Variants in FAM114A2 observed in about 807,000 individuals in gnomAD.
FAM114A2 encodes protein FAM114A2.
A neutral mutation model predicts 58.4 loss-of-function variants in FAM114A2; 53 were observed. The ratio of observed to expected loss-of-function variants is 0.91; its 90% CI spans 0.73 to 1.14. The LOEUF (loss-of-function observed/expected upper bound fraction) is 1.14, where lower values mean the gene tolerates loss of function less well. FAM114A2 is among the 50% of genes most tolerant of loss of function. The pLI, the probability that FAM114A2 is intolerant of heterozygous loss-of-function variation, is 0.00. For synonymous variants in FAM114A2, 228 were observed against 211.4 expected (o/e 1.08, Z -0.68); for missense variants, 601 against 581.1 (o/e 1.03, Z -0.35).
At chr5:154,016,680 A>G (rs1771059559) in intron 8 of FAM114A2, among the ~76,000 whole-genome samples, 1 of 152,200 alleles carries the variant, frequency 6.6e-6, no homozygotes, top group South Asian at 2.1e-4. Context: ...GAACTTACTT[A>G]AAGCATAAAT....
At chr5:154,026,298 T>C in intron 8 of FAM114A2, 101 bp downstream of exon 8, 1 of 937,222 alleles carries the variant, frequency 1.1e-6, no homozygotes, top group Non-Finnish European at 1.5e-6. Flanking sequence ...AAAAGTAAAA[T>C]CAAGCCAGTG....
At chr5:154,007,314 G>C (rs1372270868) in intron 9 of FAM114A2, among the ~76,000 whole-genome samples, 2 of 152,082 alleles carry the variant, frequency 1.3e-5, no homozygotes, top group South Asian at 2.1e-4. Context: ...TTCTCCAAAA[G>C]CTTATTTATT....
rs1769672264 is a variant in FAM114A2 at position 153,997,726 on chromosome 5, G to A, written c.1329+77C>T. The A allele has an allele frequency of 7.5e-5, 68 of 909,462 alleles. 1 individual carries two copies. The South Asian group carries it at 9.6e-4, about 13-fold the overall frequency. 56.3% of individuals were successfully genotyped at this position (909,462 alleles called of 1,614,324 possible). A position where few individuals can be genotyped will look rare whatever the true frequency, so the allele number is the denominator to read the frequency against. ...AAAACTATTGAATTGTACACTTAAA[G>A]TGAGCAAATTTTATGATATTTAAAC... On this transcript the variant is annotated intron_variant, in intron 12 of 13. Coordinates refer to ENST00000351797, the MANE Select transcript of FAM114A2 (RefSeq NM_018691.4).
intron 8 of FAM114A2, among the ~76,000 whole-genome samples, chr5:154,014,117 T>C (rs1176265625): frequency 6.6e-6 from 1 of 152,214 alleles, no homozygotes; most frequent in Non-Finnish European, 1.5e-5. Flanking sequence ...TCAAGGCAGC[T>C]TTAGAAACTT....
intron 1 of FAM114A2, among the ~76,000 whole-genome samples, chr5:154,035,919 T>C (rs763074464): frequency 3.3e-5 from 5 of 152,204 alleles, no homozygotes; most frequent in South Asian, 2.1e-4. Context: ...TGGATTTAAG[T>C]TGTACTTCTC....
chr5:153,996,711 T>C (rs548276119), intron 12 of FAM114A2, among the ~76,000 whole-genome samples: 9 of 151,776 alleles, frequency 5.9e-5, no homozygotes, highest in South Asian at 2.1e-4. Flanking sequence ...ATGTTCAACA[T>C]TGGCGCTGGG....
intron 9 of FAM114A2, among the ~76,000 whole-genome samples, 181 bp downstream of exon 9, chr5:154,011,060 G>T (rs1488500327): frequency 6.6e-6 from 1 of 152,162 alleles, no homozygotes; most frequent in African/African-American, 2.4e-5. Flanking sequence ...GGCAGATGTG[G>T]CTTCAACACA....
At chr5:154,023,135 G>A (rs190508439) in intron 8 of FAM114A2, among the ~76,000 whole-genome samples, 15 of 152,148 alleles carry the variant, frequency 9.9e-5, no homozygotes, top group African/African-American at 3.4e-4. Flanking sequence ...TGGGCCTGTC[G>A]TGGGGTCAGG....
chr5:153,993,825 C>G (rs1290886372), intron 13 of FAM114A2, among the ~76,000 whole-genome samples: 1 of 152,084 alleles, frequency 6.6e-6, no homozygotes, highest in Non-Finnish European at 1.5e-5. Context: ...GAGCCCATAT[C>G]AAGTGATATT....
intron 10 of FAM114A2, 122 bp from the exon 11 acceptor site, chr5:154,002,512 GTCT>G (rs35082504): frequency 0.62 from 578,323 of 933,730 alleles, 186,606 homozygotes; most frequent in East Asian, 0.87. Context: ...AATAAAGAGT[GTCT>G]TCTTCTTCCA....
chr5:154,018,525 G>A (rs984212056), intron 8 of FAM114A2, among the ~76,000 whole-genome samples: 5 of 151,890 alleles, frequency 3.3e-5, no homozygotes, highest in African/African-American at 1.2e-4. Context: ...TATTTCACAA[G>A]ATAAAGAGGG....
At chr5:154,013,281 A>T (rs1217917935) in intron 8 of FAM114A2, among the ~76,000 whole-genome samples, 1 of 152,198 alleles carries the variant, frequency 6.6e-6, no homozygotes, top group Non-Finnish European at 1.5e-5. Context: ...TTCTGAAAAA[A>T]GGAGTCAGGT....
At chr5:153,996,241 C>T (rs1769545579) in intron 12 of FAM114A2, among the ~76,000 whole-genome samples, 3 of 152,056 alleles carry the variant, frequency 2.0e-5, no homozygotes, top group African/African-American at 7.2e-5. Flanking sequence ...GAAACAAACC[C>T]ATATATCTAT....
intron 4 of FAM114A2, among the ~76,000 whole-genome samples, chr5:154,030,461 T>C (rs72806613): frequency 0.16 from 24,241 of 152,144 alleles, 2,043 homozygotes; most frequent in South Asian, 0.18. Context: ...GAAGCAACTG[T>C]CTTCAGACAT....
intron 8 of FAM114A2, among the ~76,000 whole-genome samples, chr5:154,025,810 C>T (rs1381130203): frequency 3.3e-5 from 5 of 152,162 alleles, no homozygotes; most frequent in African/African-American, 4.8e-5. Flanking sequence ...TTATACTTTA[C>T]GTCAGCCATC....
intron 9 of FAM114A2, among the ~76,000 whole-genome samples, chr5:154,007,611 T>G (rs991228055): frequency 1.8e-4 from 28 of 152,338 alleles, no homozygotes; most frequent in African/African-American, 6.7e-4. Flanking sequence ...AAGGAGTTAC[T>G]GGCCTTACAA....
At chr5:153,995,068 A>G (rs116722140) in intron 12 of FAM114A2, 96 bp from the exon 13 acceptor site, 8,079 of 767,898 alleles carry the variant, frequency 0.011, 71 homozygotes, top group Non-Finnish European at 0.013. Context: ...ACACCCATAC[A>G]TAAATATTAA....
At chr5:154,028,339 ATT>A (rs1771947816) in intron 5 of FAM114A2, 56 bp from the exon 6 acceptor site, 1 of 1,203,278 alleles carries the variant, frequency 8.3e-7, no homozygotes, top group African/African-American at 1.5e-5. Context: ...ATTTTTATGC[ATT>A]TTTATTATGT....
At chr5:154,008,117 G>A (rs1000355018) in intron 9 of FAM114A2, among the ~76,000 whole-genome samples, 5 of 152,052 alleles carry the variant, frequency 3.3e-5, no homozygotes, top group African/African-American at 7.2e-5. Context: ...AAAGCAGAGC[G>A]CTAAAGAACA....
Sources: allele counts gnomAD v4.1 joint callset (sites outside exome capture counted in the v4.1 genomes callset), GRCh38; gene constraint gnomAD v4.1.1; transcripts MANE v1.5; gene names NCBI Gene and HGNC (gene_info 2026-07-23, HGNC 2026-07-21).